Variants in DLG2 observed in about 807,000 individuals in gnomAD.
The protein encoded by DLG2 is discs large MAGUK scaffold protein 2.
DLG2 carries 45 observed loss-of-function variants against 132.5 expected under a neutral mutation model. The observed-to-expected ratio is 0.34, with a 90% CI of 0.27 to 0.44. The LOEUF is 0.44. Ranked by LOEUF, DLG2 falls within the 20% of genes least tolerant of loss-of-function variation. The pLI is 1.00. For synonymous variants in DLG2, 424 were observed against 419.6 expected, an observed-to-expected ratio of 1.01 and a Z score of -0.13; for missense variants, 1,045 against 1,196.9, an observed-to-expected ratio of 0.87 and a Z score of 1.87.
At chr11:84,833,722 G>A (rs889907312) in intron 6 of DLG2, among the ~76,000 whole-genome samples, 1 of 151,542 alleles carries the variant, frequency 6.6e-6, no homozygotes, top group Admixed American at 6.6e-5. Context: ...ATAATGGAAA[G>A]TTGGTTTAAA....
chr11:85,213,251 C>T (rs952409528), intron 4 of DLG2, among the ~76,000 whole-genome samples: 6 of 152,140 alleles, frequency 3.9e-5, no homozygotes, highest in Non-Finnish European at 8.8e-5. Context: ...TGGCCGCTGA[C>T]ATAGCCCTCA....
chr11:84,960,561 G>A lies in DLG2; in HGVS notation c.357+151100C>T, dbSNP rs773412939. ...AGCTGTTCTCCTGCCTCAGCCTCCCGAGTAGCTGGGACTACAGGCACACAC... is the reference window on the plus strand; with the variant it reads ...AGCTGTTCTCCTGCCTCAGCCTCCCAAGTAGCTGGGACTACAGGCACACAC... On this transcript the variant is annotated intron_variant, in intron 6 of 27. Transcript: ENST00000376104. Among the ~76,000 whole-genome samples the A allele has an allele frequency of 3.3e-5, 5 of 151,432 alleles. No individual in the cohort carries two copies. In the South Asian group the frequency reaches 6.3e-4, roughly 19 times the overall value.
At chr11:84,806,084 A>T (rs1189507943) in intron 6 of DLG2, among the ~76,000 whole-genome samples, 3 of 152,224 alleles carry the variant, frequency 2.0e-5, no homozygotes, top group Admixed American at 2.0e-4. Flanking sequence ...AAATGAATAA[A>T]AGAGACAAAA....
intron 9 of DLG2, among the ~76,000 whole-genome samples, chr11:84,157,704 T>G (rs2095458953): frequency 6.6e-6 from 1 of 152,228 alleles, no homozygotes; most frequent in Admixed American, 6.5e-5. Flanking sequence ...GCAATCTACT[T>G]ATCGTCATAG....
At chr11:83,647,336 C>T (rs868141385) in intron 18 of DLG2, among the ~76,000 whole-genome samples, 3 of 152,034 alleles carry the variant, frequency 2.0e-5, no homozygotes, top group Admixed American at 6.6e-5. Context: ...GTTCTCTGTG[C>T]AGCATTTTAC....
chr11:84,283,622 C>T (rs2097877173), intron 7 of DLG2, among the ~76,000 whole-genome samples: 1 of 152,116 alleles, frequency 6.6e-6, no homozygotes. Context: ...CACCATTACA[C>T]CCTAGTCTAA....
intron 5 of DLG2, among the ~76,000 whole-genome samples, chr11:85,126,521 C>G (rs1390286654): frequency 2.0e-5 from 3 of 152,080 alleles, no homozygotes; most frequent in African/African-American, 7.2e-5. Context: ...AGAATCTCTT[C>G]TCTTTCTACA....
At position 83,694,333 on chromosome 11, in the gene DLG2, G is replaced by A. The variant is rs79258375; in HGVS notation, c.1826-61008C>T. On this transcript the variant is annotated intron_variant, in intron 18 of 27. Coordinates refer to ENST00000376104, the MANE Select transcript of DLG2 (RefSeq NM_001142699.3). ...GGGCTGCCTGTGTTCAGCATATTAA[G>A]TGCCTAAGAGAATAATGAAACAGAT... Among the ~76,000 whole-genome samples the A allele has an allele frequency of 5.1e-3, 778 of 152,258 alleles. 15 individuals are homozygous for A. Among genetic ancestry groups the A allele is most frequent in the African/African-American group, 0.018 (736 of 41,544 alleles).
rs1033799029 is a variant in DLG2 at position 83,514,056 on chromosome 11, T to A, written c.2193+18652A>T. Among the ~76,000 whole-genome samples, 1,046 of 152,200 alleles carry A rather than the reference T, an allele frequency of 6.9e-3. 16 individuals carry two copies. Among genetic ancestry groups the A allele is most frequent in the African/African-American group, 0.024 (1,013 of 41,542 alleles). On this transcript the variant is annotated intron_variant, in intron 21 of 27. Coordinates refer to ENST00000376104, the MANE Select transcript of DLG2 (RefSeq NM_001142699.3). ...TGAACTTTAAAGTAGTTTTTTCCAA[T>A]TCTGTGAAGAAAGTCATTGGTAGCT...
At chr11:84,740,241 C>A (rs2064417844) in intron 6 of DLG2, among the ~76,000 whole-genome samples, 1 of 151,990 alleles carries the variant, frequency 6.6e-6, no homozygotes, top group Admixed American at 6.5e-5. Flanking sequence ...CATAGAGGCA[C>A]CCAGCTTCTG....
intron 3 of DLG2, among the ~76,000 whole-genome samples, chr11:85,530,475 C>G (rs772473526): frequency 6.6e-6 from 1 of 151,944 alleles, no homozygotes; most frequent in Non-Finnish European, 1.5e-5. Context: ...CACATGCCAC[C>G]ACGCCCAGCT....
intron 18 of DLG2, among the ~76,000 whole-genome samples, chr11:83,759,398 G>A (rs983510379): frequency 4.6e-5 from 7 of 152,200 alleles, no homozygotes; most frequent in Non-Finnish European, 8.8e-5. Flanking sequence ...GGGAACAGCC[G>A]TTCAGATGGG....
intron 16 of DLG2, among the ~76,000 whole-genome samples, chr11:83,871,083 C>A (rs888887339): frequency 6.6e-6 from 1 of 152,240 alleles, no homozygotes; most frequent in South Asian, 2.1e-4. Flanking sequence ...CCTTTGATGC[C>A]CCCTTCTATT....
intron 5 of DLG2, among the ~76,000 whole-genome samples, chr11:85,147,367 T>G (rs944558291): frequency 2.0e-5 from 3 of 152,184 alleles, no homozygotes; most frequent in African/African-American, 7.2e-5. Flanking sequence ...CATTGTAGTT[T>G]TGATTTGCAT....
At chr11:85,143,981 T>G (rs2076671084) in intron 5 of DLG2, among the ~76,000 whole-genome samples, 1 of 151,958 alleles carries the variant, frequency 6.6e-6, no homozygotes, top group Non-Finnish European at 1.5e-5. Context: ...GTTTCTTTGT[T>G]GATTTTCTGT....
intron 4 of DLG2, among the ~76,000 whole-genome samples, chr11:85,191,839 A>C (rs1396713396): frequency 6.6e-6 from 1 of 152,160 alleles, no homozygotes; most frequent in Non-Finnish European, 1.5e-5. Context: ...CTTTACATAC[A>C]TTATCTCAAT....
At chr11:84,640,184 C>A in intron 6 of DLG2, 1 of 267,134 alleles carries the variant, frequency 3.7e-6, no homozygotes, top group Non-Finnish European at 7.2e-6. Flanking sequence ...CAGAAAAGAC[C>A]TGGCTACTGT....
chr11:84,777,747 T>C (rs1442193453), intron 6 of DLG2, among the ~76,000 whole-genome samples: 1 of 152,152 alleles, frequency 6.6e-6, no homozygotes, highest in Non-Finnish European at 1.5e-5. Context: ...ACCAGTTGTA[T>C]GTCTTCTTTT....
chr11:85,021,105 G>A, intron 6 of DLG2: 1 of 779,674 alleles, frequency 1.3e-6, no homozygotes, highest in Non-Finnish European at 2.4e-6. Flanking sequence ...CTTCTTAATT[G>A]CCTGAAGAGT....
Sources: gnomAD v4.1 joint callset for allele counts (sites outside exome capture counted in the v4.1 genomes callset) on GRCh38, gnomAD v4.1.1 for gene constraint, MANE v1.5 for transcripts, NCBI Gene and HGNC (gene_info 2026-07-23, HGNC 2026-07-21) for gene names.